HS6ST1: variants seen among roughly 807,000 people sequenced by gnomAD.
HS6ST1 encodes heparan sulfate 6-O-sulfotransferase 1.
A neutral mutation model predicts 25.2 loss-of-function variants in HS6ST1; 3 were observed. The ratio of observed to expected loss-of-function variants is 0.12; its 90% CI spans 0.05 to 0.31. HS6ST1 has a LOEUF of 0.31. HS6ST1 is among the 10% of genes least tolerant of loss of function. The probability of loss-of-function intolerance (pLI) is 1.00; values close to 1 mark genes in which losing one functional copy is unlikely to be tolerated. For missense variants in HS6ST1, 310 were observed against 609.6 expected, an observed-to-expected ratio of 0.51 and a Z score of 5.18; for synonymous variants, 204 against 275.1, an observed-to-expected ratio of 0.74 and a Z score of 2.56.
chr2:128,274,448 A>G (rs971934533), intron 1 of HS6ST1, among the ~76,000 whole-genome samples: 2 of 152,248 alleles, frequency 1.3e-5, no homozygotes, highest in African/African-American at 4.8e-5. Context: ...AAGTATGGAC[A>G]GTAGAGATGT....
rs1277086599 is a variant in HS6ST1 at position 128,265,488 on chromosome 2, A to G, written c.*2674T>C. The G allele has an allele frequency of 6.6e-6, 1 of 152,246 alleles. No individual in the cohort carries two copies. Among genetic ancestry groups the G allele is most frequent in the Non-Finnish European group, 1.5e-5 (1 of 68,050 alleles). 9.4% of individuals were successfully genotyped at this position (152,246 alleles called of 1,614,324 possible). On this transcript the variant is annotated 3_prime_UTR_variant, in exon 2 of 2. Coordinates refer to ENST00000259241, the MANE Select transcript of HS6ST1 (RefSeq NM_004807.3). ...CACAGCACACCCGCCACTCCTTGTC[A>G]GGGTTTATTTCATCAGCTAACATTC...
At chr2:128,274,915 C>T (rs926242535) in intron 1 of HS6ST1, among the ~76,000 whole-genome samples, 1 of 132,090 alleles carries the variant, frequency 7.6e-6, no homozygotes, top group Non-Finnish European at 1.5e-5. Flanking sequence ...GAGATAGAGG[C>T]TGCAGTGAGC....
At chr2:128,316,841 G>A (rs1304040323) in intron 1 of HS6ST1, among the ~76,000 whole-genome samples, 10 of 152,160 alleles carry the variant, frequency 6.6e-5, no homozygotes, top group African/African-American at 2.2e-4. Flanking sequence ...CAGGGGAGCA[G>A]TGTCTCGGAC....
intron 1 of HS6ST1, among the ~76,000 whole-genome samples, chr2:128,272,010 C>T (rs1196014834): frequency 1.3e-5 from 2 of 152,218 alleles, no homozygotes; most frequent in Non-Finnish European, 2.9e-5. Context: ...CCTGGGCGTT[C>T]AGATGGCCCC....
At chr2:128,298,861 G>A (rs1006773341) in intron 1 of HS6ST1, among the ~76,000 whole-genome samples, 1 of 152,192 alleles carries the variant, frequency 6.6e-6, no homozygotes, top group African/African-American at 2.4e-5. Context: ...TTCCCACAAC[G>A]AGTGTCCTCA....
Position 128,292,448 on chromosome 2 carries a change from G to A in HS6ST1, c.528-23578C>T, listed in dbSNP as rs530062731. ...CACAGAACAACCCGGGGCGAGACAC[G>A]TACTGGAGAAGACTGTGCTCCTCAC... On this transcript the variant is annotated intron_variant, in intron 1 of 1. Coordinates refer to ENST00000259241, the MANE Select transcript of HS6ST1 (RefSeq NM_004807.3). Among the ~76,000 whole-genome samples the A allele has an allele frequency of 5.9e-5, 9 of 152,334 alleles. No homozygotes were observed. In the South Asian group the frequency reaches 8.3e-4, roughly 14 times the overall value.
chr2:128,283,723 G>A (rs1693820415), intron 1 of HS6ST1, among the ~76,000 whole-genome samples: 1 of 152,184 alleles, frequency 6.6e-6, no homozygotes, highest in African/African-American at 2.4e-5. Context: ...CCAGGCTGCT[G>A]GAGTGTGGGT....
chr2:128,280,159 C>T (rs541831093), intron 1 of HS6ST1, among the ~76,000 whole-genome samples: 1 of 152,222 alleles, frequency 6.6e-6, no homozygotes, highest in African/African-American at 2.4e-5. Flanking sequence ...TCTGACAGCA[C>T]CAAGCAGTCC....
At position 128,314,797 on chromosome 2, in the gene HS6ST1, G is replaced by A. The variant is rs951073050; in HGVS notation, c.527+3240C>T. Among the ~76,000 whole-genome samples, 31 of 152,232 alleles carry A rather than the reference G, an allele frequency of 2.0e-4. 1 individual carries two copies. Among genetic ancestry groups the A allele is most frequent in the Admixed American group, 2.0e-3 (31 of 15,290 alleles). On this transcript the variant is annotated intron_variant, in intron 1 of 1. Transcript: ENST00000259241. ...TGGTCCCGGGTTCCCGGCCAAGGTG[G>A]CCCAGATGCCACACTTGGGCTCCAG...
At position 128,318,701 on chromosome 2, in the gene HS6ST1, G is replaced by A. The variant is rs1694416877; in HGVS notation, c.-138C>T. 1 of 151,702 alleles carries A rather than the reference G, an allele frequency of 6.6e-6. No homozygotes were observed. Among genetic ancestry groups the A allele is most frequent in the African/African-American group, 2.5e-5 (1 of 40,728 alleles). 9.4% of individuals were successfully genotyped at this position (151,702 alleles called of 1,614,324 possible). On this transcript the variant is annotated 5_prime_UTR_variant, in exon 1 of 2. Transcript: ENST00000259241. The surrounding 1 kb of genome is among the most constrained non-coding windows in gnomAD (Gnocchi z 5.7). ...GCCCAGGCCGCCCGCAGCGGCGCGG[G>A]CCCCGACCCTCCGCGGTGCCATGGC...
intron 1 of HS6ST1, 124 bp from the exon 2 acceptor site, chr2:128,268,994 C>T (rs1693570024): frequency 2.7e-6 from 2 of 747,048 alleles, no homozygotes; most frequent in Admixed American, 4.0e-5. Context: ...CAACCAACTC[C>T]TGCACTTAGC....
At chr2:128,278,062 C>T (rs910358373) in intron 1 of HS6ST1, among the ~76,000 whole-genome samples, 3 of 152,236 alleles carry the variant, frequency 2.0e-5, no homozygotes, top group Non-Finnish European at 4.4e-5. Context: ...GGCCTGGGAG[C>T]CCCACTCAAA....
intron 1 of HS6ST1, among the ~76,000 whole-genome samples, chr2:128,271,231 C>A (rs998378201): frequency 6.6e-6 from 1 of 152,238 alleles, no homozygotes; most frequent in Admixed American, 6.5e-5. Context: ...GGCTTGGCAC[C>A]CTGCAGATGG....
intron 1 of HS6ST1, among the ~76,000 whole-genome samples, chr2:128,287,106 T>A (rs1032988287): frequency 6.6e-6 from 1 of 152,174 alleles, no homozygotes; most frequent in African/African-American, 2.4e-5. Flanking sequence ...AGGGGGTGGC[T>A]TAGCCATCAG....
intron 1 of HS6ST1, among the ~76,000 whole-genome samples, chr2:128,293,129 T>A (rs1292785906): frequency 6.6e-6 from 1 of 152,124 alleles, no homozygotes; most frequent in Non-Finnish European, 1.5e-5. Flanking sequence ...TGGGCCTTGC[T>A]CTGCATGCAG....
chr2:128,273,944 G>A (rs995327950), intron 1 of HS6ST1, among the ~76,000 whole-genome samples: 3 of 152,158 alleles, frequency 2.0e-5, no homozygotes, highest in South Asian at 2.1e-4. Flanking sequence ...TTGAGGAATG[G>A]TCTGCACACT....
In HS6ST1 at chr2:128,269,098, C is replaced by T. The variant is rs532335726; in HGVS notation, c.528-228G>A. Reference sequence around the variant, plus strand: ...ATGACCACCACAGTGCCCTGCAGCGCCTGGCCTGGCTCCTCTGGAGGGACA... The same window carrying T: ...ATGACCACCACAGTGCCCTGCAGCGTCTGGCCTGGCTCCTCTGGAGGGACA... On this transcript the variant is annotated intron_variant, in intron 1 of 1. Transcript: ENST00000259241. Among the ~76,000 whole-genome samples the T allele has an allele frequency of 1.8e-4, 28 of 152,368 alleles. No homozygotes were observed. In the South Asian group the frequency reaches 5.8e-3, roughly 32 times the overall value.
intron 1 of HS6ST1, among the ~76,000 whole-genome samples, chr2:128,303,298 G>A (rs1026512149): frequency 5.3e-5 from 8 of 152,360 alleles, no homozygotes; most frequent in East Asian, 1.9e-4. Context: ...TCAGGGACAC[G>A]GGGCCATGCA....
intron 1 of HS6ST1, among the ~76,000 whole-genome samples, chr2:128,306,162 C>T (rs1048730503): frequency 7.9e-5 from 12 of 152,156 alleles, no homozygotes; most frequent in Admixed American, 2.0e-4. Context: ...TCCCTGCTCC[C>T]AGACTGCACC....
Sources: gnomAD v4.1 joint callset for allele counts (sites outside exome capture counted in the v4.1 genomes callset) on GRCh38, gnomAD v4.1.1 for gene constraint, Gnocchi (gnomAD v3.1) non-coding constraint, MANE v1.5 for transcripts, NCBI Gene and HGNC (gene_info 2026-07-23, HGNC 2026-07-21) for gene names.